Variants in COL5A2 observed in about 807,000 individuals in gnomAD.
The protein encoded by COL5A2 is collagen type V alpha 2 chain.
COL5A2 carries 23 observed loss-of-function variants against 208.2 expected under a neutral mutation model. The observed-to-expected ratio is 0.11, with a 90% CI of 0.08 to 0.16. COL5A2 has a LOEUF of 0.16. Ranked by LOEUF, COL5A2 falls within the 10% of genes least tolerant of loss-of-function variation. The probability of loss-of-function intolerance (pLI) is 1.00; values close to 1 mark genes in which losing one functional copy is unlikely to be tolerated. For missense variants in COL5A2, 1,590 were observed against 1,956.4 expected (o/e 0.81, Z 3.53); for synonymous variants, 625 against 628.5 (o/e 0.99, Z 0.08).
At chr2:189,063,293 G>A in intron 26 of COL5A2, 23 bp from the exon 27 acceptor site, 1 of 1,592,168 alleles carries the variant, frequency 6.3e-7, no homozygotes, top group South Asian at 1.1e-5. Flanking sequence ...CAGGAGCCAT[G>A]TAAGTTTCAT....
chr2:189,339,940 T>C, the COL5A2 span, among the ~76,000 whole-genome samples: 1 of 152,188 alleles, frequency 6.6e-6, no homozygotes, highest in Admixed American at 6.5e-5. Flanking sequence ...AAAGAAACCA[T>C]AAACATCAGT....
At chr2:189,129,347 A>G (rs897092143) in intron 1 of COL5A2, among the ~76,000 whole-genome samples, 7 of 152,048 alleles carry the variant, frequency 4.6e-5, no homozygotes, top group Non-Finnish European at 1.0e-4. Context: ...ATGATTTGCT[A>G]AAGAAATCTG....
rs1188601508 is a variant in COL5A2 at position 189,155,417 on chromosome 2, A to C, written c.97+24091T>G. On this transcript the variant is annotated intron_variant, in intron 1 of 53. Transcript: ENST00000374866. Reference sequence around the variant, plus strand: ...CCTTCTCAGATCCTCATACAAACTGAATCCACTCTGTGTGAAGTAGTACCA... The same window carrying C: ...CCTTCTCAGATCCTCATACAAACTGCATCCACTCTGTGTGAAGTAGTACCA... Among the ~76,000 whole-genome samples, 3 of 152,288 alleles carry C rather than the reference A, an allele frequency of 2.0e-5. No homozygotes were observed. The East Asian group carries it at 5.8e-4, about 29-fold the overall frequency.
At chr2:189,398,151 T>C in the COL5A2 span, among the ~76,000 whole-genome samples, 2 of 152,308 alleles carry the variant, frequency 1.3e-5, no homozygotes, top group Non-Finnish European at 2.9e-5. Flanking sequence ...GCTCACTGAA[T>C]ACATGCTGAT....
the COL5A2 span, among the ~76,000 whole-genome samples, chr2:189,419,374 AT>A: frequency 3.9e-5 from 6 of 152,152 alleles, no homozygotes; most frequent in African/African-American, 1.4e-4. Flanking sequence ...TTAGTTTTCA[AT>A]TTTTTTAGGC....
chr2:189,244,613 CATT>C, the COL5A2 span, among the ~76,000 whole-genome samples: 1 of 152,206 alleles, frequency 6.6e-6, no homozygotes, highest in African/African-American at 2.4e-5. Flanking sequence ...TAATTGTCCA[CATT>C]ATTATCAGCA....
intron 1 of COL5A2, among the ~76,000 whole-genome samples, chr2:189,164,714 T>A (rs1688434133): frequency 6.6e-6 from 1 of 152,188 alleles, no homozygotes; most frequent in Admixed American, 6.5e-5. Context: ...GACTAAGAAT[T>A]TCTACAGAAA....
chr2:189,378,992 G>A, the COL5A2 span, among the ~76,000 whole-genome samples: 2 of 151,902 alleles, frequency 1.3e-5, no homozygotes, highest in Admixed American at 6.6e-5. Flanking sequence ...AAGTTATTAC[G>A]GTCTTTTTGG....
Position 189,179,721 on chromosome 2 carries a change from T to C in COL5A2, c.-117A>G, listed in dbSNP as rs1688748764. ...TCAGCACCAGCCCCAGGGCAGCCTC[T>C]GCAAACCCCCTTTTTCAGCACCAGC... On this transcript the variant is annotated 5_prime_UTR_variant, in exon 1 of 54. Transcript: ENST00000374866. 1.3e-6 allele frequency: 2 copies of C among 1,528,612 alleles called. No individual in the cohort carries two copies. The highest frequency in any genetic ancestry group is 1.8e-6 in the Non-Finnish European group (2 of 1,138,078). 94.7% of individuals were successfully genotyped at this position (1,528,612 alleles called of 1,614,324 possible). A position where few individuals can be genotyped will look rare whatever the true frequency, so the allele number is the denominator to read the frequency against.
At chr2:189,102,778 G>A (rs900365187) in intron 3 of COL5A2, among the ~76,000 whole-genome samples, 2 of 152,124 alleles carry the variant, frequency 1.3e-5, no homozygotes, top group African/African-American at 4.8e-5. Flanking sequence ...ATCGGTCAAT[G>A]AGTTGTAAGT....
chr2:189,249,069 C>CA, the COL5A2 span, among the ~76,000 whole-genome samples: 2 of 151,590 alleles, frequency 1.3e-5, no homozygotes, highest in Non-Finnish European at 2.9e-5. Flanking sequence ...TTTGGCAGAC[C>CA]AAAAAAGATT....
At chr2:189,121,931 C>T (rs1687510512) in intron 1 of COL5A2, among the ~76,000 whole-genome samples, 2 of 152,090 alleles carry the variant, frequency 1.3e-5, no homozygotes, top group Middle Eastern at 3.4e-3. Context: ...AATACCCATA[C>T]TAAAAGTTTA....
the COL5A2 span, among the ~76,000 whole-genome samples, chr2:189,430,774 G>A: frequency 3.1e-4 from 47 of 152,342 alleles, no homozygotes; most frequent in African/African-American, 1.1e-3. Flanking sequence ...CTGAACAAAA[G>A]GCAGCAGACA....
At chr2:189,415,408 C>CT in the COL5A2 span, among the ~76,000 whole-genome samples, 175 of 151,760 alleles carry the variant, frequency 1.2e-3, no homozygotes, top group African/African-American at 3.7e-3. Flanking sequence ...AAACGATGGT[C>CT]TTTTTTTTAA....
the COL5A2 span, among the ~76,000 whole-genome samples, chr2:189,371,292 G>A: frequency 2.6e-5 from 4 of 152,214 alleles, no homozygotes; most frequent in Middle Eastern, 3.4e-3. Context: ...TTGTAGCAAC[G>A]CAAAAACTGA....
the COL5A2 span, among the ~76,000 whole-genome samples, chr2:189,375,050 T>C: frequency 6.6e-6 from 1 of 151,362 alleles, no homozygotes; most frequent in South Asian, 2.1e-4. Flanking sequence ...GGAGTCTCGC[T>C]CTGTCACCCA....
At chr2:189,345,068 G>A in the COL5A2 span, among the ~76,000 whole-genome samples, 1 of 152,220 alleles carries the variant, frequency 6.6e-6, no homozygotes. Flanking sequence ...AGAAAGAGGA[G>A]TTGGTCAACA....
rs1277697737 is a variant in COL5A2, at chr2:189,097,289, T to C, written c.444A>G (p.Pro148=). 1 of 1,614,142 alleles carries C rather than the reference T, an allele frequency of 6.2e-7. No homozygotes were observed. The highest frequency in any genetic ancestry group is 1.1e-5 in the South Asian group (1 of 91,080). ...CCTGTCAACTTACAGGTCTTCCTTT[T>C]GGCCCTCGCTCTCCTCTTGGTCCCT... ...GSQGPRGERG[P]KGRPGPRGPQ... Residue 148 remains proline, a synonymous_variant, in exon 6 of 54, where the codon CCA becomes CCG. Coordinates refer to ENST00000374866, the MANE Select transcript of COL5A2 (RefSeq NM_000393.5).
the COL5A2 span, among the ~76,000 whole-genome samples, chr2:189,251,989 C>T: frequency 1.3e-5 from 2 of 152,132 alleles, no homozygotes; most frequent in Admixed American, 6.6e-5. Flanking sequence ...GACATTTATG[C>T]AGCCAAAAGA....
Sources: allele counts gnomAD v4.1 joint callset (sites outside exome capture counted in the v4.1 genomes callset), GRCh38; gene constraint gnomAD v4.1.1; transcripts MANE v1.5; gene names NCBI Gene and HGNC (gene_info 2026-07-23, HGNC 2026-07-21).